Variants in CORO1C observed in about 807,000 individuals in gnomAD.
The protein encoded by CORO1C is coronin 1C.
Under a neutral mutation model 51.2 loss-of-function variants are expected in CORO1C, and 14 were observed. The observed-to-expected ratio is 0.27, with a 90% CI of 0.18 to 0.43. The LOEUF is 0.43. Among genes scored for constraint, CORO1C ranks in the 20% least tolerant of loss-of-function variants. The probability of loss-of-function intolerance (pLI) is 1.00; values close to 1 mark genes in which losing one functional copy is unlikely to be tolerated. For synonymous variants in CORO1C, 181 were observed against 210.5 expected (o/e 0.86, Z 1.21); for missense variants, 417 against 607.8 (o/e 0.69, Z 3.30).
In CORO1C at chr12:108,662,054, C is replaced by T. The variant is rs370113847; in HGVS notation, c.423G>A (p.Thr141=). The change falls in exon 4 of 11, where the codon ACG becomes ACA. Residue 141 remains threonine (T), a synonymous_variant. Coordinates refer to ENST00000261401, the MANE Select transcript of CORO1C (RefSeq NM_014325.4). ...CTGCACTAAGAAGCACATTGCGGGC[C>T]GTTGGATGCCAAGCCACGATGCCGA... ...KRVGIVAWHP[T]ARNVLLSAGC... The T allele has an allele frequency of 7.9e-5, 127 of 1,614,012 alleles. No homozygotes were observed. Among genetic ancestry groups the T allele is most frequent in the Non-Finnish European group, 1.0e-4 (122 of 1,180,020 alleles).
At chr12:108,712,042 G>GTT (rs2035196313) in intron 1 of CORO1C, among the ~76,000 whole-genome samples, 1 of 152,110 alleles carries the variant, frequency 6.6e-6, no homozygotes, top group Non-Finnish European at 1.5e-5. Context: ...TTACTCAAGC[G>GTT]TTCAGTGGGC....
intron 3 of CORO1C, among the ~76,000 whole-genome samples, chr12:108,667,076 CAA>C (rs1204853279): frequency 6.7e-5 from 9 of 134,442 alleles, no homozygotes; most frequent in African/African-American, 1.4e-4. Flanking sequence ...TAGCGCGTGG[CAA>C]AAAAAAAAAA....
At chr12:108,649,764 CAAAAA>C (rs1364941696) in intron 8 of CORO1C, 1 of 152,110 alleles carries the variant, frequency 6.6e-6, no homozygotes, top group African/African-American at 2.4e-5. Context: ...CGGGAAACAA[CAAAAA>C]AAGTCTCTAA....
chr12:108,725,409 T>C (rs1456358047), intron 1 of CORO1C, among the ~76,000 whole-genome samples: 2 of 152,254 alleles, frequency 1.3e-5, no homozygotes, highest in African/African-American at 4.8e-5. Context: ...AGGCACTTCA[T>C]ATAATTTTCC....
At chr12:108,687,001 G>A (rs761254126) in intron 2 of CORO1C, among the ~76,000 whole-genome samples, 10 of 152,130 alleles carry the variant, frequency 6.6e-5, no homozygotes, top group Non-Finnish European at 8.8e-5. Context: ...AACCTTCACC[G>A]TGGCAGAAAC....
chr12:108,698,608 C>G (rs368069278), intron 2 of CORO1C, among the ~76,000 whole-genome samples: 2 of 152,114 alleles, frequency 1.3e-5, no homozygotes, highest in African/African-American at 4.8e-5. Context: ...GGTTTCACCA[C>G]GTTGTCCAGG....
At chr12:108,654,284 A>C in intron 7 of CORO1C, 22 bp downstream of exon 7, 1 of 1,470,492 alleles carries the variant, frequency 6.8e-7, no homozygotes, top group South Asian at 1.1e-5. Flanking sequence ...ATTTAACACC[A>C]AACATCAAAA....
Position 108,647,047 on chromosome 12 carries a change from A to G in CORO1C, c.*356T>C, listed in dbSNP as rs1459058715. ...GGCATTGGTCCCTATTCATTAAAAA[A>G]AAAAGGGTACTTGGGCACGACACAA... On this transcript the variant is annotated 3_prime_UTR_variant, in exon 11 of 11. Transcript: ENST00000261401. 1 of 175,982 alleles carries G rather than the reference A, an allele frequency of 5.7e-6. No individual in the cohort carries two copies. The highest frequency in any genetic ancestry group is 1.2e-5 in the Non-Finnish European group (1 of 84,644). 10.9% of individuals were successfully genotyped at this position (175,982 alleles called of 1,614,324 possible).
At position 108,678,329 on chromosome 12, in the gene CORO1C, G is replaced by A. The variant is rs766915431; in HGVS notation, c.261C>T (p.Asp87=). Residue 87 remains aspartate (D), a synonymous_variant, in exon 3 of 11, where the codon GAC becomes GAT. Coordinates refer to ENST00000261401, the MANE Select transcript of CORO1C (RefSeq NM_014325.4). ...CGHTGPVLDI[D]WCPHNDQVIA... is the part of the protein sequence containing the mutation. ...TGACCTGATCGTTATGTGGGCACCA[G>A]TCTATGTCCAGCACTGGTCCTGTGT... The A allele has an allele frequency of 3.7e-6, 6 of 1,613,006 alleles. No individual in the cohort carries two copies. The highest frequency in any genetic ancestry group is 5.1e-6 in the Non-Finnish European group (6 of 1,179,388).
At chr12:108,712,913 T>TAAA (rs142742201) in intron 1 of CORO1C, among the ~76,000 whole-genome samples, 9,549 of 127,854 alleles carry the variant, frequency 0.075, 433 homozygotes, top group African/African-American at 0.13. Flanking sequence ...CATGTCTCTT[T>TAAA]AAAAAAAAAA....
At chr12:108,701,419 G>T in intron 1 of CORO1C, 96 bp from the exon 2 acceptor site, 2 of 1,563,564 alleles carry the variant, frequency 1.3e-6, no homozygotes, top group Non-Finnish European at 1.7e-6. Flanking sequence ...AAACAGAATG[G>T]TATGGCATTT....
At chr12:108,717,238 T>C (rs1163263094) in intron 1 of CORO1C, among the ~76,000 whole-genome samples, 2 of 152,172 alleles carry the variant, frequency 1.3e-5, no homozygotes, top group African/African-American at 4.8e-5. Context: ...AAGCAAGCAC[T>C]TGTCAGAATC....
intron 1 of CORO1C, among the ~76,000 whole-genome samples, chr12:108,717,098 C>T (rs1368213472): frequency 1.3e-5 from 2 of 152,302 alleles, no homozygotes; most frequent in South Asian, 2.1e-4. Context: ...AGTCAATAAT[C>T]GGGGAACAGA....
At chr12:108,698,781 T>C (rs2034772537) in intron 2 of CORO1C, among the ~76,000 whole-genome samples, 1 of 152,192 alleles carries the variant, frequency 6.6e-6, no homozygotes, top group Non-Finnish European at 1.5e-5. Context: ...AAGAGACACA[T>C]CCACGTCCCA....
intron 2 of CORO1C, among the ~76,000 whole-genome samples, chr12:108,694,353 T>C (rs1324182037): frequency 6.8e-6 from 1 of 146,686 alleles, no homozygotes; most frequent in Admixed American, 6.8e-5. Context: ...AAGGAATGAA[T>C]ATGTGAATGA....
chr12:108,702,779 T>C (rs1004066281), intron 1 of CORO1C: 5 of 1,494,252 alleles, frequency 3.3e-6, no homozygotes, highest in Non-Finnish European at 4.4e-6. Flanking sequence ...GAATTTATTT[T>C]TGCCAGAGTC....
At chr12:108,705,208 G>A (rs2034991137) in intron 1 of CORO1C, among the ~76,000 whole-genome samples, 1 of 152,082 alleles carries the variant, frequency 6.6e-6, no homozygotes, top group Non-Finnish European at 1.5e-5. Flanking sequence ...GCCGGGCATG[G>A]TGGCTCACGC....
chr12:108,665,797 C>A (rs558387027), intron 3 of CORO1C, among the ~76,000 whole-genome samples: 1 of 152,286 alleles, frequency 6.6e-6, no homozygotes, highest in South Asian at 2.1e-4. Flanking sequence ...TGGGCTCTGG[C>A]CAGACTGATG....
intron 3 of CORO1C, among the ~76,000 whole-genome samples, chr12:108,674,919 G>T (rs2033851136): frequency 6.6e-6 from 1 of 152,182 alleles, no homozygotes; most frequent in Admixed American, 6.5e-5. Context: ...TGATAAGGCA[G>T]CAAAAGGGTT....
Sources: gnomAD v4.1 joint callset for allele counts (sites outside exome capture counted in the v4.1 genomes callset) on GRCh38, gnomAD v4.1.1 for gene constraint, MANE v1.5 for transcripts, NCBI Gene and HGNC (gene_info 2026-07-23, HGNC 2026-07-21) for gene names.